TUT4: variants seen among roughly 807,000 people sequenced by gnomAD.
TUT4 encodes the protein terminal uridylyltransferase 4.
In TUT4, 36 loss-of-function variants were observed where a neutral mutation model predicts 192.2. The ratio of observed to expected loss-of-function variants is 0.19; its 90% confidence interval spans 0.14 to 0.25. The LOEUF is 0.25. Among genes scored for constraint, TUT4 ranks in the 10% least tolerant of loss-of-function variants. TUT4 has a pLI of 1.00. For synonymous variants in TUT4, 618 were observed against 666.0 expected, an observed-to-expected ratio of 0.93 and a Z score of 1.11; for missense variants, 1,493 against 1,957.2, an observed-to-expected ratio of 0.76 and a Z score of 4.47.
chr1:52,520,947 C>G (rs1380906204), intron 2 of TUT4, among the ~76,000 whole-genome samples: 1 of 152,086 alleles, frequency 6.6e-6, no homozygotes, highest in Non-Finnish European at 1.5e-5. Context: ...CACACGCCAC[C>G]ATACCTGGCT....
At position 52,476,732 on chromosome 1, in the gene TUT4, C is replaced by T. The variant is rs181846103; in HGVS notation, c.2023+976G>A. On this transcript the variant is annotated intron_variant, in intron 12 of 29. Coordinates refer to ENST00000257177, the MANE Select transcript of TUT4 (RefSeq NM_001009881.3). ...CATTTATTTACTATATATAAGAGTACAAGATGTGTATAAATGTTTGCATGT... is the reference window on the plus strand; with the variant it reads ...CATTTATTTACTATATATAAGAGTATAAGATGTGTATAAATGTTTGCATGT... Among the ~76,000 whole-genome samples, 251 of 152,112 alleles carry T rather than the reference C, an allele frequency of 1.7e-3. 1 individual carries two copies. Among genetic ancestry groups the T allele is most frequent in the African/African-American group, 5.8e-3 (241 of 41,482 alleles).
intron 1 of TUT4, among the ~76,000 whole-genome samples, chr1:52,531,427 G>A (rs1683383878): frequency 6.6e-6 from 1 of 151,782 alleles, no homozygotes; most frequent in Admixed American, 6.6e-5. Flanking sequence ...AGAAATGAAG[G>A]GACTTCTGTA....
chr1:52,535,036 T>C (rs1159355880), intron 1 of TUT4: 1 of 152,200 alleles, frequency 6.6e-6, no homozygotes, highest in Non-Finnish European at 1.5e-5. Flanking sequence ...TGCTTTGGTA[T>C]TCTGAAATTT....
chr1:52,438,060 A>ATC (rs1288272647), intron 25 of TUT4, among the ~76,000 whole-genome samples, 160 bp downstream of exon 25: 1 of 152,228 alleles, frequency 6.6e-6, no homozygotes, highest in Non-Finnish European at 1.5e-5. Flanking sequence ...CCACATGCAA[A>ATC]TCTTACCCTA....
At chr1:52,433,261 G>C (rs963811739) in intron 27 of TUT4, 4 of 152,108 alleles carry the variant, frequency 2.6e-5, no homozygotes, top group African/African-American at 7.2e-5. Context: ...AGCAGAGATG[G>C]GGTTTTACCA....
chr1:52,481,363 C>T (rs577143747), intron 11 of TUT4, 60 bp downstream of exon 11: 30 of 1,539,892 alleles, frequency 1.9e-5, no homozygotes, highest in African/African-American at 4.1e-5. Flanking sequence ...TAGCTTCAAT[C>T]GAAGAATATC....
chr1:52,524,235 T>G (rs1681081424), intron 2 of TUT4, among the ~76,000 whole-genome samples: 1 of 152,200 alleles, frequency 6.6e-6, no homozygotes, highest in African/African-American at 2.4e-5. Flanking sequence ...AGCATTACTT[T>G]ACTTAAAACT....
chr1:52,484,370 T>C (rs1037603673), intron 9 of TUT4, among the ~76,000 whole-genome samples: 4 of 151,824 alleles, frequency 2.6e-5, no homozygotes, highest in Non-Finnish European at 5.9e-5. Flanking sequence ...AGAGTCTATG[T>C]GAAGGTTAGA....
chr1:52,463,466 T>G (rs1324426920), intron 16 of TUT4: 2 of 1,051,634 alleles, frequency 1.9e-6, no homozygotes, highest in Non-Finnish European at 2.3e-6. Flanking sequence ...ACTCCGGGTC[T>G]AACAATTTCA....
chr1:52,502,189 T>C (rs1674316784), intron 4 of TUT4, among the ~76,000 whole-genome samples: 1 of 151,216 alleles, frequency 6.6e-6, no homozygotes, highest in Non-Finnish European at 1.5e-5. Flanking sequence ...CAATGCAACA[T>C]GTTCTTAACA....
chr1:52,474,771 AATATAC>A, intron 13 of TUT4, 55 bp downstream of exon 13: 1 of 1,381,138 alleles, frequency 7.2e-7, no homozygotes, highest in East Asian at 2.4e-5. Flanking sequence ...TAATCTAAAA[AATATAC>A]ATAGTCATAC....
chr1:52,465,235 A>G, intron 15 of TUT4, 62 bp from the exon 16 acceptor site: 1 of 1,147,950 alleles, frequency 8.7e-7, no homozygotes, highest in East Asian at 2.4e-5. Flanking sequence ...GTCTTCTGCT[A>G]TCTGCTGATG....
intron 14 of TUT4, among the ~76,000 whole-genome samples, chr1:52,469,750 C>T (rs1255409288): frequency 1.3e-5 from 2 of 151,768 alleles, no homozygotes; most frequent in Non-Finnish European, 2.9e-5. Flanking sequence ...ATTAGCCGGG[C>T]GTGATGGCAC....
rs1375792146 is a variant in TUT4 at position 52,509,718 on chromosome 1, G to A, written c.883-6C>T. 2 of 1,558,330 alleles carry A rather than the reference G, an allele frequency of 1.3e-6. No homozygotes were observed. The highest frequency in any genetic ancestry group is 1.8e-6 in the Non-Finnish European group (2 of 1,130,994). On this transcript the variant is annotated splice_polypyrimidine_tract_variant and splice_region_variant and intron_variant, in intron 3 of 29. Transcript: ENST00000257177. ...TTGGTATATTCTGGTGATCGCTGAA[G>A]AGACAAATTTTAAAAATGCACTTTA... is the stretch of plus-strand genomic sequence containing the variant.
chr1:52,443,173 C>CT (rs1391074632), intron 24 of TUT4, among the ~76,000 whole-genome samples: 1 of 151,778 alleles, frequency 6.6e-6, no homozygotes, highest in Non-Finnish European at 1.5e-5. Context: ...ATCCCAGCTA[C>CT]TTGGGAGGCT....
At chr1:52,493,581 AAAAAG>A (rs770450670) in intron 7 of TUT4, 25 bp downstream of exon 7, 27 of 1,403,320 alleles carry the variant, frequency 1.9e-5, no homozygotes, top group Non-Finnish European at 2.4e-5. Flanking sequence ...ATTAAAAAAA[AAAAAG>A]AAAAGAAAAA....
At chr1:52,505,217 A>G (rs561611993) in intron 4 of TUT4, among the ~76,000 whole-genome samples, 2 of 152,206 alleles carry the variant, frequency 1.3e-5, no homozygotes, top group East Asian at 1.9e-4. Flanking sequence ...TTGGGGGGAC[A>G]GCATTCAGTC....
chr1:52,483,967 G>C (rs1414869974), intron 9 of TUT4, among the ~76,000 whole-genome samples: 5 of 152,084 alleles, frequency 3.3e-5, no homozygotes, highest in Admixed American at 3.3e-4. Flanking sequence ...AACATAGCAA[G>C]ACCTCCGTCT....
chr1:52,539,619 G>A (rs147465435), intron 1 of TUT4, among the ~76,000 whole-genome samples: 1,857 of 152,250 alleles, frequency 0.012, 34 homozygotes, highest in African/African-American at 0.043. Context: ...TGCAGGGCGC[G>A]GTGGCTCATG....
Sources: gnomAD v4.1 joint callset for allele counts (sites outside exome capture counted in the v4.1 genomes callset) on GRCh38, gnomAD v4.1.1 for gene constraint, MANE v1.5 for transcripts, NCBI Gene and HGNC (gene_info 2026-07-23, HGNC 2026-07-21) for gene names.